The following TMEM17 variants were observed in gnomAD, a reference collection of about 807,000 sequenced individuals.
TMEM17 encodes the protein transmembrane protein 17.
Under a neutral mutation model 19.1 loss-of-function variants are expected in TMEM17, and 15 were observed. The observed-to-expected ratio is 0.78, with a 90% CI of 0.52 to 1.21. The LOEUF (loss-of-function observed/expected upper bound fraction) is 1.21. TMEM17 is among the 50% of genes most tolerant of loss of function. The pLI, the probability that TMEM17 is intolerant of heterozygous loss-of-function variation, is 0.00. For missense variants in TMEM17, 245 were observed against 242.3 expected, an observed-to-expected ratio of 1.01 and a Z score of -0.07; for synonymous variants, 103 against 86.9, an observed-to-expected ratio of 1.19 and a Z score of -1.03.
the TMEM17 span, among the ~76,000 whole-genome samples, chr2:62,457,036 G>C: frequency 6.6e-6 from 1 of 151,786 alleles, no homozygotes; most frequent in Non-Finnish European, 1.5e-5. This position sits in a 1 kb window ranked among gnomAD's most constrained non-coding sequence, Gnocchi z 4.2. Flanking sequence ...CCCCTTTCCC[G>C]GGGCGGGCAC....
Position 62,501,251 on chromosome 2 carries a change from T to C in TMEM17, c.555A>G (p.Arg185=). 2.5e-6 allele frequency: 4 copies of C among 1,614,212 alleles called. No homozygotes were observed. Among genetic ancestry groups the C allele is most frequent in the Non-Finnish European group, 3.4e-6 (4 of 1,180,036 alleles). Residue 185 remains arginine, a synonymous_variant, in exon 4 of 4, where the codon AGA becomes AGG. Coordinates refer to ENST00000335390, the MANE Select transcript of TMEM17 (RefSeq NM_198276.3). ...LQDFDRLSAN[R]GDMRRMRSCI... ...ATGACCTCATCCTTCTCATGTCTCC[T>C]CTGTTTGCAGAGAGCCGGTCAAAGT... is the stretch of plus-strand genomic sequence containing the variant.
chr2:62,464,281 G>C, the TMEM17 span, among the ~76,000 whole-genome samples: 1 of 152,364 alleles, frequency 6.6e-6, no homozygotes, highest in Non-Finnish European at 1.5e-5. Flanking sequence ...ACGCCCTGTG[G>C]GGCTTTTGGG....
the TMEM17 span, among the ~76,000 whole-genome samples, chr2:62,456,461 C>T: frequency 6.6e-6 from 1 of 152,218 alleles, no homozygotes; most frequent in Non-Finnish European, 1.5e-5. Flanking sequence ...GTAAAATCTT[C>T]CTCTGCCTCT....
chr2:62,505,606 C>T (rs971612003), intron 1 of TMEM17, among the ~76,000 whole-genome samples: 10 of 152,200 alleles, frequency 6.6e-5, no homozygotes, highest in Non-Finnish European at 1.3e-4. Flanking sequence ...TATTCCTCGT[C>T]ATCCTGGACA....
chr2:62,501,538 G>C, intron 3 of TMEM17, 51 bp from the exon 4 acceptor site: 1 of 1,542,426 alleles, frequency 6.5e-7, no homozygotes, highest in Non-Finnish European at 8.8e-7. Context: ...TACAGTTTCT[G>C]TTTATACAGA....
the TMEM17 span, among the ~76,000 whole-genome samples, chr2:62,479,855 C>T: frequency 6.9e-6 from 1 of 144,062 alleles, no homozygotes; most frequent in African/African-American, 2.6e-5. Flanking sequence ...CCACTGCACT[C>T]CACCGTGAGT....
At chr2:62,467,863 A>G in the TMEM17 span, among the ~76,000 whole-genome samples, 1 of 148,556 alleles carries the variant, frequency 6.7e-6, no homozygotes, top group Non-Finnish European at 1.5e-5. Flanking sequence ...CTGCAGGAGC[A>G]TGTGGGCATG....
chr2:62,477,740 C>T, the TMEM17 span, among the ~76,000 whole-genome samples: 2 of 152,240 alleles, frequency 1.3e-5, no homozygotes, highest in Non-Finnish European at 2.9e-5. Flanking sequence ...GTGGGCCAGG[C>T]CCCTTCCTGA....
At chr2:62,495,800 TG>T (rs1679762884), downstream of TMEM17, among the ~76,000 whole-genome samples, 1 of 152,244 alleles carries the variant, frequency 6.6e-6, no homozygotes, top group Admixed American at 6.5e-5. Flanking sequence ...CTCTTTTTCT[TG>T]GCTATGTTTC....
the TMEM17 span, among the ~76,000 whole-genome samples, chr2:62,483,803 G>T: frequency 6.6e-6 from 1 of 151,990 alleles, no homozygotes; most frequent in Admixed American, 6.6e-5. Flanking sequence ...GTTTCACCAC[G>T]TTGGCCAGGC....
At chr2:62,468,909 G>C in the TMEM17 span, among the ~76,000 whole-genome samples, 1 of 152,286 alleles carries the variant, frequency 6.6e-6, no homozygotes, top group East Asian at 1.9e-4. Flanking sequence ...AAGAACCAAA[G>C]GTAACCTAGA....
chr2:62,498,387 A>C (rs1558720675), downstream of TMEM17, among the ~76,000 whole-genome samples: 1 of 145,888 alleles, frequency 6.9e-6, no homozygotes, highest in Non-Finnish European at 1.5e-5. Context: ...ACTCCGTCTC[A>C]AGAAAAAAGA....
chr2:62,502,069 A>G (rs1027414158), intron 3 of TMEM17: 2 of 166,498 alleles, frequency 1.2e-5, no homozygotes, highest in Non-Finnish European at 2.6e-5. Context: ...AAATGAATTC[A>G]TAATTTTCCC....
chr2:62,495,182 A>C, the TMEM17 span, among the ~76,000 whole-genome samples: 8 of 152,332 alleles, frequency 5.3e-5, no homozygotes, highest in Admixed American at 3.9e-4. Flanking sequence ...CATGTTGATA[A>C]GATAAATTTC....
intron 1 of TMEM17, among the ~76,000 whole-genome samples, chr2:62,504,579 AAATC>A (rs1398060547): frequency 1.3e-5 from 2 of 152,234 alleles, no homozygotes; most frequent in East Asian, 1.9e-4. Context: ...ATGGAAATGA[AAATC>A]AAATTAATAT....
the TMEM17 span, among the ~76,000 whole-genome samples, chr2:62,465,499 A>G: frequency 6.6e-6 from 1 of 152,160 alleles, no homozygotes; most frequent in Non-Finnish European, 1.5e-5. Flanking sequence ...GCAACCGGGT[A>G]CAGTAGCTCA....
rs928700028 is a variant in TMEM17 at position 62,501,590 on chromosome 2, T to C, written c.319-103A>G. Reference sequence around the variant, plus strand: ...ACTACCGTGAACCTACATTATGGGCTCTGTGAGTGATTCCAAAGGAGGATG... The same window carrying C: ...ACTACCGTGAACCTACATTATGGGCCCTGTGAGTGATTCCAAAGGAGGATG... On this transcript the variant is annotated intron_variant, in intron 3 of 3. Coordinates refer to ENST00000335390, the MANE Select transcript of TMEM17 (RefSeq NM_198276.3). The C allele has an allele frequency of 1.1e-5, 13 of 1,147,490 alleles. No individual in the cohort carries two copies. The Admixed American group carries it at 3.0e-4, about 27-fold the overall frequency. The allele number at this position is 1,147,490 out of a possible 1,614,324, so 71.1% of individuals were successfully genotyped here.
At chr2:62,455,763 T>C in the TMEM17 span, among the ~76,000 whole-genome samples, 4 of 152,208 alleles carry the variant, frequency 2.6e-5, no homozygotes, top group Admixed American at 2.0e-4. Context: ...CAAGACTCCG[T>C]CTCAAAAAAC....
chr2:62,488,431 A>G, the TMEM17 span, among the ~76,000 whole-genome samples: 16,993 of 151,944 alleles, frequency 0.11, 1,103 homozygotes, highest in East Asian at 0.15. Flanking sequence ...GGAGGAGTAG[A>G]CAATTTGTAA....
Sources: gnomAD v4.1 joint callset for allele counts (sites outside exome capture counted in the v4.1 genomes callset) on GRCh38, gnomAD v4.1.1 for gene constraint, Gnocchi (gnomAD v3.1) non-coding constraint, MANE v1.5 for transcripts, NCBI Gene and HGNC (gene_info 2026-07-23, HGNC 2026-07-21) for gene names.